The following SLC36A1 variants were observed in gnomAD, a reference collection of about 807,000 sequenced individuals.
The protein encoded by SLC36A1 is solute carrier family 36 member 1.
SLC36A1 carries 30 observed loss-of-function variants against 47.5 expected under a neutral mutation model. That is an observed-to-expected ratio of 0.63 (90% CI 0.47 to 0.86). The LOEUF is 0.86. SLC36A1 is among the 40% of genes least tolerant of loss of function. The probability of loss-of-function intolerance (pLI) is 0.00; values close to 1 mark genes in which losing one functional copy is unlikely to be tolerated. For missense variants in SLC36A1, 517 were observed against 606.0 expected, an observed-to-expected ratio of 0.85 and a Z score of 1.54; for synonymous variants, 255 against 249.7, an observed-to-expected ratio of 1.02 and a Z score of -0.20.
intron 1 of SLC36A1, among the ~76,000 whole-genome samples, chr5:151,458,328 A>ACACTTG (rs1476786861): frequency 9.8e-6 from 1 of 101,836 alleles, no homozygotes; most frequent in African/African-American, 3.4e-5. Context: ...ATATATATAT[A>ACACTTG]TATATGGGAT....
chr5:151,382,891 T>G, the SLC36A1 span, among the ~76,000 whole-genome samples: 3 of 152,162 alleles, frequency 2.0e-5, no homozygotes, highest in Non-Finnish European at 4.4e-5. Flanking sequence ...CCTTTCTTCC[T>G]GACCCCAAGG....
At chr5:151,475,827 G>T (rs187603021) in intron 8 of SLC36A1, among the ~76,000 whole-genome samples, 72 of 152,326 alleles carry the variant, frequency 4.7e-4, no homozygotes, top group African/African-American at 1.7e-3. Flanking sequence ...GCCCAGTGTT[G>T]CTCTTCCTTA....
At chr5:151,463,038 G>T (rs911566772) in intron 2 of SLC36A1, among the ~76,000 whole-genome samples, 3 of 152,044 alleles carry the variant, frequency 2.0e-5, no homozygotes, top group Non-Finnish European at 4.4e-5. Context: ...GCTATGCCTG[G>T]CTAATTTCTG....
the SLC36A1 span, among the ~76,000 whole-genome samples, chr5:151,396,330 T>C: frequency 6.7e-6 from 1 of 150,236 alleles, no homozygotes; most frequent in Admixed American, 6.6e-5. Flanking sequence ...CTCGAACTCC[T>C]GACCTTGTGA....
chr5:151,517,809 C>T, the SLC36A1 span: 2 of 1,608,024 alleles, frequency 1.2e-6, no homozygotes, highest in African/African-American at 1.3e-5. Context: ...GAAGTGGTCC[C>T]CATTGAGCCC....
intron 10 of SLC36A1, among the ~76,000 whole-genome samples, chr5:151,485,232 G>A (rs111768754): frequency 0.01 from 1,561 of 152,286 alleles, 31 homozygotes; most frequent in African/African-American, 0.036. Flanking sequence ...ACTTCTCAAA[G>A]CCTTGAGATC....
rs1031933159 is a variant in SLC36A1, at chr5:151,487,895, G to A, written c.1160-88G>A. On this transcript the variant is annotated intron_variant, in intron 10 of 10. Transcript: ENST00000243389. ...CTTAGAGCTCTCAATCCTATAAGAT[G>A]GACAGATGCTGAATTCGCTCAACAG... is the stretch of plus-strand genomic sequence containing the variant. 8.9e-6 allele frequency: 13 copies of A among 1,461,588 alleles called. No individual in the cohort carries two copies. In the African/African-American group the frequency reaches 1.3e-4, roughly 14 times the overall value. 90.5% of individuals were successfully genotyped at this position (1,461,588 alleles called of 1,614,324 possible).
Position 151,458,752 on chromosome 5 carries a change from C to T in SLC36A1, c.-5-36C>T. The T allele has an allele frequency of 1.9e-6, 3 of 1,601,046 alleles. No individual in the cohort carries two copies. In the African/African-American group the frequency reaches 4.0e-5, roughly 21 times the overall value. ...CCAAATATGGAGCTAAAGGCTCCAGCTGCAGGAGGTCTTAATGCTGGCCCT... is the reference window on the plus strand; with the variant it reads ...CCAAATATGGAGCTAAAGGCTCCAGTTGCAGGAGGTCTTAATGCTGGCCCT... On this transcript the variant is annotated intron_variant, in intron 1 of 10. Transcript: ENST00000243389.
chr5:151,545,677 G>C, the SLC36A1 span: 1 of 1,614,078 alleles, frequency 6.2e-7, no homozygotes, highest in African/African-American at 1.3e-5. Flanking sequence ...TCCCATGCTG[G>C]GATCAATTTT....
intron 2 of SLC36A1, among the ~76,000 whole-genome samples, chr5:151,460,716 G>A (rs1755384156): frequency 6.6e-6 from 1 of 151,762 alleles, no homozygotes; most frequent in Non-Finnish European, 1.5e-5. Flanking sequence ...TAAGGTAGAG[G>A]TTGATTTGGA....
chr5:151,365,228 A>G, the SLC36A1 span, among the ~76,000 whole-genome samples: 4 of 152,228 alleles, frequency 2.6e-5, no homozygotes, highest in African/African-American at 9.6e-5. Flanking sequence ...AGCTAGCTAG[A>G]AGTAGTCCTG....
chr5:151,487,915 C>T lies in SLC36A1; in HGVS notation c.1160-68C>T, dbSNP rs1460676432. ...AAGATGGACAGATGCTGAATTCGCT[C>T]AACAGTAGGGAGACAGACCTTTCCC... On this transcript the variant is annotated intron_variant, in intron 10 of 10. Transcript: ENST00000243389. The T allele has an allele frequency of 1.3e-6, 2 of 1,562,050 alleles. 1 individual carries two copies. Among genetic ancestry groups the T allele is most frequent in the African/African-American group, 2.7e-5 (2 of 73,818 alleles).
the SLC36A1 span, chr5:151,549,363 A>T: frequency 1.2e-6 from 2 of 1,614,042 alleles, no homozygotes; most frequent in Middle Eastern, 3.4e-4. Context: ...GACCTGCAGC[A>T]GCTCTGTGCC....
chr5:151,511,931 A>G, the SLC36A1 span: 1 of 558,346 alleles, frequency 1.8e-6, no homozygotes, highest in Admixed American at 3.1e-5. Context: ...GTCCCCATTC[A>G]TATCCTCCCT....
chr5:151,544,782 A>G, the SLC36A1 span: 1 of 1,614,186 alleles, frequency 6.2e-7, no homozygotes. Flanking sequence ...CAATTCGGAA[A>G]TATGTGTAAT....
At chr5:151,518,343 T>C in the SLC36A1 span, among the ~76,000 whole-genome samples, 4 of 147,032 alleles carry the variant, frequency 2.7e-5, no homozygotes, top group South Asian at 4.2e-4. Flanking sequence ...AGAGAGACCA[T>C]GTCTCTAATA....
chr5:151,535,488 C>T, the SLC36A1 span, among the ~76,000 whole-genome samples: 1 of 152,216 alleles, frequency 6.6e-6, no homozygotes, highest in East Asian at 1.9e-4. Flanking sequence ...GAACACAGGG[C>T]GGTTCCTGGA....
chr5:151,498,764 C>T, the SLC36A1 span, among the ~76,000 whole-genome samples: 1 of 152,238 alleles, frequency 6.6e-6, no homozygotes, highest in Non-Finnish European at 1.5e-5. Flanking sequence ...GCCTAGCTGA[C>T]CCTCCTTTCT....
the SLC36A1 span, among the ~76,000 whole-genome samples, chr5:151,408,026 A>C: frequency 1.3e-5 from 2 of 152,226 alleles, no homozygotes; most frequent in African/African-American, 4.8e-5. Context: ...CCTACAAAGC[A>C]GGGATTATTA....
Sources: allele counts gnomAD v4.1 joint callset (sites outside exome capture counted in the v4.1 genomes callset), GRCh38; gene constraint gnomAD v4.1.1; transcripts MANE v1.5; gene names NCBI Gene and HGNC (gene_info 2026-07-23, HGNC 2026-07-21).